The following CCDC40 variants were observed in gnomAD, a reference collection of about 807,000 sequenced individuals.
CCDC40 encodes the protein coiled-coil domain 40 molecular ruler complex subunit.
In CCDC40, 104 loss-of-function variants were observed where a neutral mutation model predicts 124.5. The ratio of observed to expected loss-of-function variants is 0.84; its 90% CI spans 0.71 to 0.98. The LOEUF is 0.98. Ranked by LOEUF, CCDC40 falls within the 50% of genes least tolerant of loss-of-function variation. The pLI is 0.00. For missense variants in CCDC40, 1,463 were observed against 1,503.9 expected (o/e 0.97, Z 0.45); for synonymous variants, 580 against 602.9 (o/e 0.96, Z 0.56).
chr17:80,068,729 G>A (rs1178532941), intron 10 of CCDC40, among the ~76,000 whole-genome samples: 1 of 152,126 alleles, frequency 6.6e-6, no homozygotes, highest in Non-Finnish European at 1.5e-5. Flanking sequence ...CACCGAGAAG[G>A]CACACTTGTC....
At chr17:80,082,682 A>C (rs1315696579) in intron 12 of CCDC40, among the ~76,000 whole-genome samples, 1 of 152,122 alleles carries the variant, frequency 6.6e-6, no homozygotes, top group Non-Finnish European at 1.5e-5. Context: ...GGAGCTGGCC[A>C]GGCAGAGCTG....
intron 3 of CCDC40, among the ~76,000 whole-genome samples, chr17:80,047,011 A>C (rs1465564449): frequency 6.6e-6 from 1 of 151,976 alleles, no homozygotes; most frequent in African/African-American, 2.4e-5. Flanking sequence ...GCACCCAGCT[A>C]ATTTTTGTAT....
At chr17:80,096,151 G>C (rs2038806845) in intron 18 of CCDC40, among the ~76,000 whole-genome samples, 1 of 152,240 alleles carries the variant, frequency 6.6e-6, no homozygotes, top group Admixed American at 6.5e-5. Flanking sequence ...GAGGGGCAGA[G>C]TTAAATGTGA....
intron 9 of CCDC40, among the ~76,000 whole-genome samples, chr17:80,061,830 C>A (rs1488665335): frequency 6.6e-6 from 1 of 151,696 alleles, no homozygotes; most frequent in Admixed American, 6.6e-5. Context: ...TCATCCAGGG[C>A]GATATGATCA....
intron 7 of CCDC40, among the ~76,000 whole-genome samples, chr17:80,056,427 C>T (rs1015867206): frequency 6.6e-6 from 1 of 151,546 alleles, no homozygotes; most frequent in African/African-American, 2.4e-5. Flanking sequence ...CAAGACCAGC[C>T]TGGGCAATGC....
intron 7 of CCDC40, among the ~76,000 whole-genome samples, chr17:80,056,347 C>G (rs946938567): frequency 3.0e-4 from 45 of 152,054 alleles, no homozygotes; most frequent in African/African-American, 1.1e-3. Context: ...GGGCCAGGTG[C>G]GGAGGCTCAC....
At chr17:80,040,677 TC>T in intron 3 of CCDC40, 9 of 56,252 alleles carry the variant, frequency 1.6e-4, no homozygotes, top group South Asian at 4.9e-4. Context: ...AGACCTTGTC[TC>T]AAAAAAAAAA....
At chr17:80,044,481 C>T (rs936855357) in intron 3 of CCDC40, among the ~76,000 whole-genome samples, 18 of 151,938 alleles carry the variant, frequency 1.2e-4, no homozygotes, top group Admixed American at 6.6e-5. Context: ...GCCAGGAGTT[C>T]GAGACCAGCT....
At chr17:80,065,296 G>A (rs1343171831) in intron 9 of CCDC40, among the ~76,000 whole-genome samples, 189 bp from the exon 10 acceptor site, 1 of 143,202 alleles carries the variant, frequency 7.0e-6, no homozygotes, top group Non-Finnish European at 1.5e-5. Flanking sequence ...AAGGCTCAAA[G>A]CGGGTACGGG....
chr17:80,050,860 A>G (rs1357636864), intron 7 of CCDC40, among the ~76,000 whole-genome samples: 1 of 152,242 alleles, frequency 6.6e-6, no homozygotes, highest in Non-Finnish European at 1.5e-5. Flanking sequence ...GTCCCAGGAT[A>G]GATGAGACCA....
At position 80,095,545 on chromosome 17, in the gene CCDC40, G is replaced by T. The variant is rs566520579; in HGVS notation, c.3021+94G>T. Reference sequence around the variant, plus strand: ...GGCGTCTTGCTGGGTCCGGGGTGAGGATGCAGAGGCTGCAGTGGGGGCGTG... The same window carrying T: ...GGCGTCTTGCTGGGTCCGGGGTGAGTATGCAGAGGCTGCAGTGGGGGCGTG... On this transcript the variant is annotated intron_variant, in intron 18 of 19. Transcript: ENST00000397545. 281 of 1,255,876 alleles carry T rather than the reference G, an allele frequency of 2.2e-4. No individual in the cohort carries two copies. In the African/African-American group the frequency reaches 3.7e-3, roughly 16 times the overall value. The allele number at this position is 1,255,876 out of a possible 1,614,324, so 77.8% of individuals were successfully genotyped here.
intron 19 of CCDC40, chr17:80,099,000 CG>C (rs2038862660): frequency 7.0e-6 from 1 of 142,716 alleles, no homozygotes; most frequent in Admixed American, 6.7e-5. Context: ...AAAAAAATGC[CG>C]GCGGGTCACA....
At chr17:80,052,148 T>A (rs542184943) in intron 7 of CCDC40, among the ~76,000 whole-genome samples, 1 of 152,312 alleles carries the variant, frequency 6.6e-6, no homozygotes, top group East Asian at 1.9e-4. Context: ...GGAGACTGTA[T>A]TAGGGTTGTC....
intron 10 of CCDC40, among the ~76,000 whole-genome samples, chr17:80,073,966 G>A (rs1444207355): frequency 1.3e-5 from 2 of 152,080 alleles, no homozygotes; most frequent in Non-Finnish European, 2.9e-5. Flanking sequence ...GATTACAAGT[G>A]TGAGCCAACG....
At chr17:80,093,729 G>C (rs985645873) in intron 17 of CCDC40, among the ~76,000 whole-genome samples, 1 of 151,378 alleles carries the variant, frequency 6.6e-6, no homozygotes, top group African/African-American at 2.4e-5. Flanking sequence ...GGCCAGGTTG[G>C]TCTCAAACTC....
intron 9 of CCDC40, among the ~76,000 whole-genome samples, chr17:80,059,534 G>C (rs1246585540): frequency 3.3e-5 from 5 of 149,910 alleles, no homozygotes. Context: ...TCATTCACGG[G>C]TGCGGGAATG....
At chr17:80,051,876 T>A (rs1282804406) in intron 7 of CCDC40, among the ~76,000 whole-genome samples, 1 of 152,214 alleles carries the variant, frequency 6.6e-6, no homozygotes, top group Non-Finnish European at 1.5e-5. Flanking sequence ...CTGCTAGGGC[T>A]TAAAGAGTGG....
chr17:80,098,978 C>CAAA (rs149775682), intron 19 of CCDC40: 2,104 of 122,156 alleles, frequency 0.017, 51 homozygotes, highest in African/African-American at 0.049. Flanking sequence ...GAGACAGCCT[C>CAAA]AAAAAAAAAA....
At chr17:80,057,378 A>G (rs955263545) in intron 7 of CCDC40, among the ~76,000 whole-genome samples, 1 of 151,628 alleles carries the variant, frequency 6.6e-6, no homozygotes, top group African/African-American at 2.4e-5. Flanking sequence ...GTGAGCCACC[A>G]CACCCAGCCA....
Sources: gnomAD v4.1 joint callset for allele counts (sites outside exome capture counted in the v4.1 genomes callset) on GRCh38, gnomAD v4.1.1 for gene constraint, MANE v1.5 for transcripts, NCBI Gene and HGNC (gene_info 2026-07-23, HGNC 2026-07-21) for gene names.